Variants in USH2A observed in about 807,000 individuals in gnomAD.
USH2A encodes the protein usherin.
USH2A carries 443 observed loss-of-function variants against 538.9 expected under a neutral mutation model. The observed-to-expected ratio is 0.82, with a 90% confidence interval of 0.76 to 0.89. The LOEUF is 0.89. USH2A is among the 40% of genes least tolerant of loss of function. USH2A has a pLI of 0.00. For missense variants in USH2A, 6,633 were observed against 6,324.8 expected, an observed-to-expected ratio of 1.05 and a Z score of -1.65; for synonymous variants, 2,413 against 2,273.5, an observed-to-expected ratio of 1.06 and a Z score of -1.75.
In USH2A at chr1:216,090,050, T is replaced by C. The variant is rs17026057; in HGVS notation, c.4759-911A>G. 5.4e-3 allele frequency among the ~76,000 whole-genome samples: 826 copies of C among 152,074 alleles called. 11 individuals carry two copies. The highest frequency in any genetic ancestry group is 0.017 in the African/African-American group (720 of 41,528). On this transcript the variant is annotated intron_variant, in intron 22 of 71. Coordinates refer to ENST00000307340, the MANE Select transcript of USH2A (RefSeq NM_206933.4). Reference sequence around the variant, plus strand: ...ATTACAACTTCTAAATGGGAATGAATTTTCTTCTTAATAAAGTTGATTTAC... The same window carrying C: ...ATTACAACTTCTAAATGGGAATGAACTTTCTTCTTAATAAAGTTGATTTAC...
intron 11 of USH2A, among the ~76,000 whole-genome samples, chr1:216,265,402 G>A: frequency 6.6e-6 from 1 of 152,030 alleles, no homozygotes; most frequent in East Asian, 1.9e-4. Context: ...TGGTAGGAAT[G>A]TAAATTAGCA....
chr1:215,865,200 T>C (rs967571681), intron 44 of USH2A, among the ~76,000 whole-genome samples: 5 of 152,130 alleles, frequency 3.3e-5, no homozygotes, highest in African/African-American at 9.7e-5. Context: ...AAAATGATAA[T>C]GCAACAAGCT....
chr1:216,137,204 C>G (rs1322210466), intron 21 of USH2A, among the ~76,000 whole-genome samples: 2 of 152,136 alleles, frequency 1.3e-5, no homozygotes, highest in Non-Finnish European at 2.9e-5. Context: ...TTCCTTTGAA[C>G]TGATAAATTA....
chr1:215,907,772 T>A (rs1363217189), intron 38 of USH2A, among the ~76,000 whole-genome samples: 1 of 152,006 alleles, frequency 6.6e-6, no homozygotes, highest in African/African-American at 2.4e-5. Context: ...ATTAAAGAGA[T>A]ACCATGGTGC....
At chr1:216,080,356 C>A (rs990381487) in intron 26 of USH2A, among the ~76,000 whole-genome samples, 2 of 151,486 alleles carry the variant, frequency 1.3e-5, no homozygotes, top group African/African-American at 2.4e-5. Context: ...TTTGGAAAAT[C>A]AGTAGGGAAG....
At chr1:216,097,364 G>C in intron 21 of USH2A, 151 bp from the exon 22 acceptor site, 1 of 1,349,534 alleles carries the variant, frequency 7.4e-7, no homozygotes, top group South Asian at 1.4e-5. Flanking sequence ...TAGGCCATTT[G>C]GTTTTAAATA....
rs148393224 is a variant in USH2A, at chr1:215,879,799, C to A, written c.8224-701G>T. 1.4e-4 allele frequency among the ~76,000 whole-genome samples: 21 copies of A among 152,276 alleles called. No individual in the cohort carries two copies. The East Asian group carries it at 4.0e-3, about 29-fold the overall frequency. ...TTCTAGAATGTCTGAAGTTTATTTT[C>A]TTTTCTGGCTAAACTCTACAGGAGC... On this transcript the variant is annotated intron_variant, in intron 41 of 71. Transcript: ENST00000307340.
rs368755986 is a variant in USH2A at position 215,743,637 on chromosome 1, G to A, written c.11390-302C>T. Among the ~76,000 whole-genome samples the A allele has an allele frequency of 2.1e-4, 32 of 151,106 alleles. 1 individual carries two copies. The East Asian group carries it at 5.1e-3, about 24-fold the overall frequency. On this transcript the variant is annotated intron_variant, in intron 58 of 71. Transcript: ENST00000307340. ...AGGTCAGGAGATGGAGACCATCCTG[G>A]CCAACATGGTGAAACCCTGTAAAAA...
chr1:216,063,236 C>G (rs916084963), intron 30 of USH2A, among the ~76,000 whole-genome samples: 8 of 152,124 alleles, frequency 5.3e-5, no homozygotes, highest in African/African-American at 1.9e-4. Flanking sequence ...ATCTCTGCAC[C>G]CCTAACGTCT....
At chr1:215,804,097 C>A (rs1483097770) in intron 49 of USH2A, among the ~76,000 whole-genome samples, 2 of 151,892 alleles carry the variant, frequency 1.3e-5, no homozygotes, top group African/African-American at 4.8e-5. Flanking sequence ...AAAGCTGAAA[C>A]TGGATCCCTT....
At chr1:215,660,866 G>C (rs1657417230) in intron 64 of USH2A, among the ~76,000 whole-genome samples, 1 of 152,150 alleles carries the variant, frequency 6.6e-6, no homozygotes. Flanking sequence ...ACAAGAAGAA[G>C]TCTCAACTAT....
At chr1:215,964,811 C>T (rs536056857) in intron 37 of USH2A, among the ~76,000 whole-genome samples, 1 of 152,278 alleles carries the variant, frequency 6.6e-6, no homozygotes, top group South Asian at 2.1e-4. Context: ...CCCATGTAGC[C>T]TAATCCACAT....
rs571986176 is a variant in USH2A at position 216,097,041 on chromosome 1, C to A, written c.4758+42G>T. On this transcript the variant is annotated intron_variant, in intron 22 of 71. Coordinates refer to ENST00000307340, the MANE Select transcript of USH2A (RefSeq NM_206933.4). ...CATTTACCTCAGTACCAGGCACCTA[C>A]TAAATTCTTAAAAATATTAAAGTTT... 14 of 1,569,934 alleles carry A rather than the reference C, an allele frequency of 8.9e-6. No individual in the cohort carries two copies. In the South Asian group the frequency reaches 1.4e-4, roughly 15 times the overall value.
chr1:216,218,376 A>G (rs139711680), intron 14 of USH2A, among the ~76,000 whole-genome samples: 1 of 152,264 alleles, frequency 6.6e-6, no homozygotes, highest in Non-Finnish European at 1.5e-5. Context: ...AGGATAAGCA[A>G]CGTTGGTGCC....
At chr1:216,350,544 C>T (rs1472318902) in intron 4 of USH2A, among the ~76,000 whole-genome samples, 1 of 152,094 alleles carries the variant, frequency 6.6e-6, no homozygotes. Flanking sequence ...GAGGCTACAG[C>T]CCCCATGCAA....
chr1:215,935,770 G>A (rs145786591), intron 37 of USH2A, among the ~76,000 whole-genome samples: 8 of 152,036 alleles, frequency 5.3e-5, no homozygotes, highest in African/African-American at 1.9e-4. Flanking sequence ...GCTGCTTAAT[G>A]TTTGTCACTT....
intron 37 of USH2A, among the ~76,000 whole-genome samples, chr1:215,942,538 G>T (rs1266829426): frequency 6.6e-6 from 1 of 152,130 alleles, no homozygotes; most frequent in East Asian, 1.9e-4. Flanking sequence ...AACTTTCACA[G>T]CTTCTAAATT....
rs555536953 is a variant in USH2A at position 216,234,257 on chromosome 1, C to A, written c.2810-2121G>T. On this transcript the variant is annotated intron_variant, in intron 13 of 71. Transcript: ENST00000307340. ...CCTAGATCCTATACATTCTGTCTTA[C>A]AAAGTTTCAAGGGCAGCAAAATAGA... Among the ~76,000 whole-genome samples the A allele has an allele frequency of 3.4e-4, 51 of 152,066 alleles. No individual in the cohort carries two copies. The South Asian group carries it at 0.011, about 32-fold the overall frequency.
intron 11 of USH2A, among the ~76,000 whole-genome samples, chr1:216,253,151 CT>C (rs55786784): frequency 0.032 from 4,505 of 138,700 alleles, 65 homozygotes; most frequent in African/African-American, 0.047. Flanking sequence ...GTTATTTTTT[CT>C]TTTTTTTTTT....
Sources: gnomAD v4.1 joint callset for allele counts (sites outside exome capture counted in the v4.1 genomes callset) on GRCh38, gnomAD v4.1.1 for gene constraint, MANE v1.5 for transcripts, NCBI Gene and HGNC (gene_info 2026-07-23, HGNC 2026-07-21) for gene names.